TTC27: variants seen among roughly 807,000 people sequenced by gnomAD.
TTC27 encodes tetratricopeptide repeat domain 27.
TTC27 carries 79 observed loss-of-function variants against 115.9 expected under a neutral mutation model. That is an observed-to-expected ratio of 0.68 (90% CI 0.57 to 0.82). TTC27 has a LOEUF of 0.82. Among genes scored for constraint, TTC27 ranks in the 40% least tolerant of loss-of-function variants. TTC27 has a pLI of 0.00. For missense variants in TTC27, 1,054 were observed against 993.1 expected (o/e 1.06, Z -0.82); for synonymous variants, 401 against 356.0 (o/e 1.13, Z -1.42).
At chr2:32,630,475 T>A (rs1392762885) in intron 1 of TTC27, 48 bp from the exon 2 acceptor site, 2 of 1,455,850 alleles carry the variant, frequency 1.4e-6, no homozygotes, top group Non-Finnish European at 1.9e-6. Flanking sequence ...CTTTACGGTA[T>A]GAAAAATAAT....
intron 8 of TTC27, among the ~76,000 whole-genome samples, chr2:32,677,526 T>C (rs746295573): frequency 1.3e-5 from 2 of 152,184 alleles, no homozygotes; most frequent in African/African-American, 2.4e-5. Context: ...CTTGGCTCAC[T>C]GCAACCTCCG....
chr2:32,811,786 G>T (rs1156873836), intron 17 of TTC27, among the ~76,000 whole-genome samples: 2 of 152,180 alleles, frequency 1.3e-5, no homozygotes, highest in Non-Finnish European at 2.9e-5. Flanking sequence ...GGAGCCTGCA[G>T]AGTTTCCAAA....
intron 9 of TTC27, among the ~76,000 whole-genome samples, chr2:32,701,583 G>T (rs1667185563): frequency 6.6e-6 from 1 of 152,040 alleles, no homozygotes; most frequent in African/African-American, 2.4e-5. Context: ...CTAGATTAGA[G>T]GTTAAAAATT....
chr2:32,749,356 C>G (rs920871907), intron 12 of TTC27, among the ~76,000 whole-genome samples: 2 of 152,200 alleles, frequency 1.3e-5, no homozygotes, highest in African/African-American at 4.8e-5. Flanking sequence ...CATTCTGCCC[C>G]CTCCAGTGGC....
intron 9 of TTC27, among the ~76,000 whole-genome samples, chr2:32,681,897 C>T (rs1666437211): frequency 1.3e-5 from 2 of 151,552 alleles, no homozygotes; most frequent in Non-Finnish European, 2.9e-5. Flanking sequence ...TTCTTCTGAG[C>T]TCTTGAACTT....
intron 16 of TTC27, among the ~76,000 whole-genome samples, chr2:32,797,911 A>G (rs575282831): frequency 2.0e-5 from 3 of 152,308 alleles, no homozygotes; most frequent in African/African-American, 7.2e-5. Context: ...CTAAAATTCA[A>G]TGACAACAAA....
intron 4 of TTC27, among the ~76,000 whole-genome samples, chr2:32,644,817 C>G (rs374688762): frequency 6.7e-6 from 1 of 149,160 alleles, no homozygotes; most frequent in South Asian, 2.1e-4. Flanking sequence ...CCCTCCCTCC[C>G]TCCCTCCCTC....
chr2:32,709,342 A>G (rs1265178189), intron 10 of TTC27, among the ~76,000 whole-genome samples: 1 of 152,216 alleles, frequency 6.6e-6, no homozygotes, highest in Non-Finnish European at 1.5e-5. Context: ...CCTTGTGATT[A>G]TGGTTAATAT....
At chr2:32,727,047 C>T (rs1251374427) in intron 10 of TTC27, among the ~76,000 whole-genome samples, 3 of 152,174 alleles carry the variant, frequency 2.0e-5, no homozygotes, top group African/African-American at 7.2e-5. Context: ...CCGGGTCCCT[C>T]CCACAACATG....
chr2:32,628,755 T>C (rs868718013), intron 1 of TTC27, among the ~76,000 whole-genome samples: 1 of 149,986 alleles, frequency 6.7e-6, no homozygotes, highest in Non-Finnish European at 1.5e-5. Flanking sequence ...ATTTATTTAT[T>C]TATTTATTTA....
chr2:32,779,985 A>C (rs1012882689), intron 14 of TTC27: 3 of 371,556 alleles, frequency 8.1e-6, no homozygotes, highest in Non-Finnish European at 1.8e-5. Context: ...ATTGACTGTA[A>C]TGTAAGGATG....
At chr2:32,632,992 A>T (rs1241990720) in intron 2 of TTC27, among the ~76,000 whole-genome samples, 1 of 152,236 alleles carries the variant, frequency 6.6e-6, no homozygotes, top group African/African-American at 2.4e-5. Flanking sequence ...TCACAGCAAG[A>T]CTGAAAAATA....
chr2:32,630,824 G>A, intron 2 of TTC27, 124 bp downstream of exon 2: 1 of 807,726 alleles, frequency 1.2e-6, no homozygotes. Flanking sequence ...CAAGACTCAT[G>A]GTGTACCAAG....
Position 32,652,227 on chromosome 2 carries a change from T to G in TTC27, c.640+1994T>G, listed in dbSNP as rs545489394. Reference sequence around the variant, plus strand: ...TCTGTACTAAAATACAAAAATTAGCTGGGCATGGTGGTGGGCACCTGTAAT... The same window carrying G: ...TCTGTACTAAAATACAAAAATTAGCGGGGCATGGTGGTGGGCACCTGTAAT... On this transcript the variant is annotated intron_variant, in intron 5 of 19. Transcript: ENST00000317907. Among the ~76,000 whole-genome samples, 5 of 152,088 alleles carry G rather than the reference T, an allele frequency of 3.3e-5. No homozygotes were observed. In the East Asian group the frequency reaches 9.7e-4, roughly 29 times the overall value.
At chr2:32,817,880 A>T (rs1232982325) in intron 19 of TTC27, among the ~76,000 whole-genome samples, 1 of 152,040 alleles carries the variant, frequency 6.6e-6, no homozygotes, top group African/African-American at 2.4e-5. Context: ...ACATGGTGAA[A>T]CCCCATCTCT....
At chr2:32,785,613 T>G (rs113458627) in intron 15 of TTC27, among the ~76,000 whole-genome samples, 2,926 of 152,318 alleles carry the variant, frequency 0.019, 60 homozygotes, top group Middle Eastern at 0.038. Context: ...TTTTGTTTTT[T>G]GAGACAGAGT....
chr2:32,789,930 AAAAAAAAAAAAAAAAAGAG>A (rs1259268684), intron 16 of TTC27, among the ~76,000 whole-genome samples: 1 of 145,794 alleles, frequency 6.9e-6, no homozygotes, highest in East Asian at 2.0e-4. Context: ...CCAAAAAAAA[AAAAAAAAAAAAAAAAAGAG>A]AAGTCTTTCA....
At chr2:32,758,994 G>A (rs1669342623) in intron 13 of TTC27, among the ~76,000 whole-genome samples, 1 of 152,092 alleles carries the variant, frequency 6.6e-6, no homozygotes, top group South Asian at 2.1e-4. Context: ...ACATTTAAAT[G>A]TTTAAAAGTT....
At chr2:32,654,789 G>A (rs1011613809) in intron 5 of TTC27, among the ~76,000 whole-genome samples, 2 of 150,832 alleles carry the variant, frequency 1.3e-5, no homozygotes, top group African/African-American at 4.9e-5. Flanking sequence ...TCTGTCTCCC[G>A]GGTTCATGAG....
Sources: gnomAD v4.1 joint callset for allele counts (sites outside exome capture counted in the v4.1 genomes callset) on GRCh38, gnomAD v4.1.1 for gene constraint, MANE v1.5 for transcripts, NCBI Gene and HGNC (gene_info 2026-07-23, HGNC 2026-07-21) for gene names.